The following LGI1 variants were observed in gnomAD, a reference collection of about 807,000 sequenced individuals.
LGI1 encodes the protein leucine-rich glioma-inactivated protein 1.
In LGI1, 11 loss-of-function variants were observed where a neutral mutation model predicts 57.7. The observed-to-expected ratio is 0.19, with a 90% CI of 0.12 to 0.32. The LOEUF is 0.32. LGI1 is among the 10% of genes least tolerant of loss of function. The probability of loss-of-function intolerance (pLI) is 1.00; values close to 1 mark genes in which losing one functional copy is unlikely to be tolerated. For synonymous variants in LGI1, 222 were observed against 241.9 expected, an observed-to-expected ratio of 0.92 and a Z score of 0.76; for missense variants, 422 against 661.9, an observed-to-expected ratio of 0.64 and a Z score of 3.98.
chr10:93,761,853 G>A (rs982479744), intron 2 of LGI1, among the ~76,000 whole-genome samples: 18 of 151,616 alleles, frequency 1.2e-4, no homozygotes, highest in Non-Finnish European at 2.2e-4. Context: ...GGCCAGTTTC[G>A]AAACATAACC....
intron 2 of LGI1, among the ~76,000 whole-genome samples, chr10:93,759,916 G>C (rs948146989): frequency 2.0e-5 from 3 of 152,136 alleles, no homozygotes; most frequent in African/African-American, 7.2e-5. Flanking sequence ...ATCTCACTAA[G>C]CCTCAGTCTT....
chr10:93,770,597 C>T (rs967866812), intron 2 of LGI1: 2 of 152,226 alleles, frequency 1.3e-5, no homozygotes, highest in African/African-American at 4.8e-5. Context: ...GAAGTAAATT[C>T]TGTGTGTCCT....
chr10:93,765,580 C>T (rs373082903), intron 2 of LGI1: 52 of 152,302 alleles, frequency 3.4e-4, no homozygotes, highest in African/African-American at 1.2e-3. Context: ...GAGACCCTTG[C>T]ATTCAATTAC....
rs1589747356 is a variant in LGI1 at position 93,758,582 on chromosome 10, A to G, written c.216-178A>G. 4 of 688,070 alleles carry G rather than the reference A, an allele frequency of 5.8e-6. No homozygotes were observed. The highest frequency in any genetic ancestry group is 7.5e-6 in the Non-Finnish European group (3 of 399,014). The allele number at this position is 688,070 out of a possible 1,614,324, so 42.6% of individuals were successfully genotyped here. On this transcript the variant is annotated intron_variant, in intron 1 of 7. Transcript: ENST00000371418. This position sits in a 1 kb window ranked among gnomAD's most constrained non-coding sequence, Gnocchi z 4.7. ...CCAGCCCTGAACATTATCATGAGAAACCTGTAGCCGATTCATTTCTCTTAC... is the reference window on the plus strand; with the variant it reads ...CCAGCCCTGAACATTATCATGAGAAGCCTGTAGCCGATTCATTTCTCTTAC...
In LGI1 at chr10:93,778,325, C is replaced by A. The variant is rs112554911; in HGVS notation, c.431+708C>A. On this transcript the variant is annotated intron_variant, in intron 4 of 7. Transcript: ENST00000371418. ...AATTTGTTTCTTCTAGCCTCCCTCA[C>A]CCTCTACAGACAAACACATTCACAC... is the stretch of plus-strand genomic sequence containing the variant. 3.4e-3 allele frequency among the ~76,000 whole-genome samples: 510 copies of A among 150,348 alleles called. 3 individuals are homozygous for A. Among genetic ancestry groups the A allele is most frequent in the African/African-American group, 0.012 (487 of 40,776 alleles).
At chr10:93,787,401 G>T (rs1233178795) in intron 4 of LGI1, among the ~76,000 whole-genome samples, 1 of 152,130 alleles carries the variant, frequency 6.6e-6, no homozygotes, top group African/African-American at 2.4e-5. Flanking sequence ...GGGCCAGCCT[G>T]TCCTTCTCAG....
chr10:93,773,122 C>T (rs188576873), intron 2 of LGI1, among the ~76,000 whole-genome samples: 11 of 151,678 alleles, frequency 7.3e-5, no homozygotes, highest in Admixed American at 6.6e-4. Context: ...CCTCACAAAG[C>T]GTGTTCAAAA....
chr10:93,766,799 G>T (rs953621231), intron 2 of LGI1: 1 of 152,124 alleles, frequency 6.6e-6, no homozygotes, highest in Non-Finnish European at 1.5e-5. Context: ...GAGCCACCAC[G>T]CCCGGCCTAT....
At position 93,777,379 on chromosome 10, in the gene LGI1, G is replaced by A. The variant is rs761037722; in HGVS notation, c.288G>A (p.Leu96=). ...TTCATTGTGTACTTTTTCTGGGCAG[G>A]TTATTCACATCGAACTCCTTTGATG... ...SFLFTPSLQL[L]LFTSNSFDVI... Residue 96 remains leucine (L), a splice_region_variant and synonymous_variant, in exon 3 of 8, where the codon TTG becomes TTA. Coordinates refer to ENST00000371418, the MANE Select transcript of LGI1 (RefSeq NM_005097.4). 2.5e-6 allele frequency: 4 copies of A among 1,613,580 alleles called. No homozygotes were observed. In the Admixed American group the frequency reaches 5.0e-5, roughly 20 times the overall value.
intron 2 of LGI1, among the ~76,000 whole-genome samples, chr10:93,775,008 A>G (rs1163948060): frequency 6.6e-6 from 1 of 152,210 alleles, no homozygotes; most frequent in Non-Finnish European, 1.5e-5. Flanking sequence ...TGAATTTAGC[A>G]TTGAGAGATT....
At chr10:93,783,832 T>A (rs977272856) in intron 4 of LGI1, among the ~76,000 whole-genome samples, 1 of 151,996 alleles carries the variant, frequency 6.6e-6, no homozygotes, top group Non-Finnish European at 1.5e-5. Context: ...GCCAACATGG[T>A]GAAACCCCAT....
At chr10:93,776,443 C>G (rs2059795216) in intron 2 of LGI1, among the ~76,000 whole-genome samples, 1 of 152,252 alleles carries the variant, frequency 6.6e-6, no homozygotes, top group Admixed American at 6.5e-5. Context: ...ATAAATTACT[C>G]ATAAATGTTC....
intron 2 of LGI1, chr10:93,770,523 G>C (rs534781596): frequency 6.6e-6 from 1 of 152,372 alleles, no homozygotes; most frequent in South Asian, 2.1e-4. Flanking sequence ...TCTGTTGCTG[G>C]CCCTGGTTCC....
chr10:93,768,939 G>A (rs1468375321), intron 2 of LGI1: 1 of 152,164 alleles, frequency 6.6e-6, no homozygotes, highest in Non-Finnish European at 1.5e-5. Context: ...ATCTAATTAA[G>A]GATCAGCTGA....
chr10:93,771,974 T>TGAAAAAAAA (rs1564842834), intron 2 of LGI1: 1 of 86,152 alleles, frequency 1.2e-5, no homozygotes, highest in Non-Finnish European at 2.4e-5. Flanking sequence ...AAACTTTGTT[T>TGAAAAAAAA]CAAAAAAAAA....
intron 2 of LGI1, 179 bp from the exon 3 acceptor site, chr10:93,777,197 TGAG>T (rs1392299869): frequency 4.6e-6 from 3 of 655,272 alleles, no homozygotes; most frequent in African/African-American, 1.8e-5. Context: ...GAGCCTTTGA[TGAG>T]GAGATGATTA....
intron 2 of LGI1, among the ~76,000 whole-genome samples, chr10:93,760,690 G>A (rs931976836): frequency 5.9e-5 from 9 of 152,276 alleles, no homozygotes; most frequent in Middle Eastern, 3.4e-3. Context: ...AATAGTTACC[G>A]GCTGCTGCAG....
At chr10:93,770,747 C>T (rs931499796) in intron 2 of LGI1, 3 of 152,238 alleles carry the variant, frequency 2.0e-5, no homozygotes, top group Admixed American at 1.3e-4. Flanking sequence ...GTCACATCCT[C>T]TGATCCCAGA....
intron 7 of LGI1, among the ~76,000 whole-genome samples, chr10:93,796,601 G>A (rs893867120): frequency 6.6e-6 from 1 of 152,194 alleles, no homozygotes; most frequent in Non-Finnish European, 1.5e-5. Context: ...CATAATAGAT[G>A]CTCAGTAAAC....
Sources: gnomAD v4.1 joint callset for allele counts (sites outside exome capture counted in the v4.1 genomes callset) on GRCh38, gnomAD v4.1.1 for gene constraint, Gnocchi (gnomAD v3.1) non-coding constraint, MANE v1.5 for transcripts, NCBI Gene and HGNC (gene_info 2026-07-23, HGNC 2026-07-21) for gene names.